The following XPO4 variants were observed in gnomAD, a reference collection of about 807,000 sequenced individuals.
XPO4 encodes exportin 4.
Under a neutral mutation model 143.0 loss-of-function variants are expected in XPO4, and 39 were observed. That is an observed-to-expected ratio of 0.27 (90% CI 0.21 to 0.36). The LOEUF (loss-of-function observed/expected upper bound fraction) is 0.36. XPO4 is among the 10% of genes least tolerant of loss of function. XPO4 has a pLI of 1.00. For missense variants in XPO4, 907 were observed against 1,348.0 expected (o/e 0.67, Z 5.12); for synonymous variants, 439 against 474.0 (o/e 0.93, Z 0.96).
Position 20,790,497 on chromosome 13 carries a change from G to A in XPO4, c.2881C>T (p.Leu961=). 6.2e-7 allele frequency: 1 copy of A among 1,614,092 alleles called. No homozygotes were observed. The highest frequency in any genetic ancestry group is 8.5e-7 in the Non-Finnish European group (1 of 1,179,992). Residue 961 remains leucine (L), a synonymous_variant, in exon 19 of 23, where the codon CTA becomes TTA. Coordinates refer to ENST00000255305, the MANE Select transcript of XPO4 (RefSeq NM_022459.5). ...AADVVLYGVN[L]ILPLMSQDLL... is the part of the protein sequence containing the mutation. ...TCCTGTGACATCAAGGGCAGAATTA[G>A]GTTTACTCCATACAACACAACATCC...
At chr13:20,862,995 T>G (rs1461942921) in intron 2 of XPO4, 137 bp from the exon 3 acceptor site, 6 of 1,464,030 alleles carry the variant, frequency 4.1e-6, no homozygotes, top group African/African-American at 1.4e-5. Context: ...CCAGTGACCT[T>G]GCTCTAGCAC....
rs1398742942 is a variant in XPO4, at chr13:20,800,148, G to A, written c.2147+8C>T. ...ACACACACAGTCAGCCTCCAACAAT[G>A]GGCTAACCTTTCTCTTCTTTCCACC... On this transcript the variant is annotated splice_region_variant and intron_variant, in intron 15 of 22. Transcript: ENST00000255305. 6.2e-7 allele frequency: 1 copy of A among 1,613,806 alleles called. No homozygotes were observed. The highest frequency in any genetic ancestry group is 8.5e-7 in the Non-Finnish European group (1 of 1,179,858).
intron 1 of XPO4, among the ~76,000 whole-genome samples, chr13:20,901,451 T>C (rs747071829): frequency 2.6e-5 from 4 of 152,188 alleles, no homozygotes; most frequent in African/African-American, 9.7e-5. Flanking sequence ...AAACGCTCTA[T>C]GTCAGGGATT....
intron 13 of XPO4, among the ~76,000 whole-genome samples, chr13:20,802,765 A>G (rs931634789): frequency 2.0e-5 from 3 of 152,202 alleles, no homozygotes; most frequent in African/African-American, 7.2e-5. Context: ...ACTCTGATAC[A>G]AATGTCTATA....
intron 1 of XPO4, among the ~76,000 whole-genome samples, chr13:20,897,153 C>T (rs2138190789): frequency 6.6e-6 from 1 of 152,190 alleles, no homozygotes; most frequent in South Asian, 2.1e-4. Context: ...AACAAAAATG[C>T]ATACTTACTA....
rs1451772526 is a variant in XPO4 at position 20,850,751 on chromosome 13, C to T, written c.456+4876G>A. 7 of 966,622 alleles carry T rather than the reference C, an allele frequency of 7.2e-6. No individual in the cohort carries two copies. The East Asian group carries it at 3.4e-4, about 48-fold the overall frequency. 59.9% of individuals were successfully genotyped at this position (966,622 alleles called of 1,614,324 possible). A position where few individuals can be genotyped will look rare whatever the true frequency, so the allele number is the denominator to read the frequency against. On this transcript the variant is annotated intron_variant, in intron 4 of 22. Transcript: ENST00000255305. ...CTGCACTTCAGCCCAGGCGATAGAGCGAGGCCCTGTTTCTAAAACAACAAA... is the reference window on the plus strand; with the variant it reads ...CTGCACTTCAGCCCAGGCGATAGAGTGAGGCCCTGTTTCTAAAACAACAAA...
chr13:20,815,229 T>C (rs1044237252), intron 9 of XPO4, among the ~76,000 whole-genome samples: 3 of 152,176 alleles, frequency 2.0e-5, no homozygotes, highest in African/African-American at 4.8e-5. Flanking sequence ...CTCTGTATGA[T>C]ACCTTAATGA....
intron 18 of XPO4, 35 bp downstream of exon 18, chr13:20,796,041 C>T (rs890974446): frequency 4.5e-6 from 7 of 1,562,216 alleles, no homozygotes; most frequent in Non-Finnish European, 6.1e-6. Flanking sequence ...AGGAGGATAA[C>T]AACAAAGTTT....
chr13:20,807,351 G>A (rs1406955790), intron 13 of XPO4, 106 bp downstream of exon 13: 1 of 1,126,074 alleles, frequency 8.9e-7, no homozygotes, highest in Non-Finnish European at 1.3e-6. Context: ...TTTTTTTCAT[G>A]TATCAGATTT....
intron 1 of XPO4, among the ~76,000 whole-genome samples, chr13:20,888,976 A>C (rs904257704): frequency 6.6e-6 from 1 of 151,646 alleles, no homozygotes; most frequent in South Asian, 2.1e-4. Flanking sequence ...TTCCCAGTTA[A>C]TTTTTTTGTC....
chr13:20,902,439 A>T, intron 1 of XPO4: 1 of 985,410 alleles, frequency 1.0e-6, no homozygotes, highest in Non-Finnish European at 1.2e-6. Flanking sequence ...CCCACGCCCG[A>T]CTGGGGTGCT....
intron 1 of XPO4, among the ~76,000 whole-genome samples, chr13:20,898,276 T>C (rs1221716159): frequency 6.6e-6 from 1 of 152,136 alleles, no homozygotes; most frequent in Non-Finnish European, 1.5e-5. Flanking sequence ...TAAAAACAAA[T>C]GTATGGGCCG....
chr13:20,827,824 A>G (rs1283269114), intron 6 of XPO4, among the ~76,000 whole-genome samples: 4 of 152,218 alleles, frequency 2.6e-5, no homozygotes, highest in African/African-American at 9.6e-5. Context: ...CAGGCATTCA[A>G]TTTCAAACAT....
intron 5 of XPO4, among the ~76,000 whole-genome samples, chr13:20,843,510 C>A (rs982288810): frequency 5.9e-5 from 9 of 151,276 alleles, no homozygotes; most frequent in African/African-American, 1.2e-4. Context: ...TATATCTAAA[C>A]ACAATAAGAA....
rs905963387 is a variant in XPO4 at position 20,821,710 on chromosome 13, T to G, written c.1167A>C (p.Glu389Asp). ...CTTTAGAATAGTCACTCACCACTTC[T>G]TCCAATGCAGCACTTCGCCCAAAAG... is the stretch of plus-strand genomic sequence containing the variant. ...TCSFGRSAAL[E>D]EVLDKDDMVY... Residue 389 changes from glutamate to aspartate, a missense_variant, in exon 9 of 23, where the codon GAA (glutamate) becomes GAC (aspartate). Transcript: ENST00000255305. 3.1e-6 allele frequency: 5 copies of G among 1,612,640 alleles called. No individual in the cohort carries two copies. Among genetic ancestry groups the G allele is most frequent in the Admixed American group, 1.7e-5 (1 of 59,856 alleles).
intron 1 of XPO4, among the ~76,000 whole-genome samples, chr13:20,892,872 C>T (rs1435335679): frequency 1.4e-5 from 2 of 145,488 alleles, no homozygotes; most frequent in African/African-American, 5.0e-5. Flanking sequence ...TTTAGAGTAA[C>T]TCCAAAAAGT....
At chr13:20,843,549 A>C (rs2059999116) in intron 5 of XPO4, among the ~76,000 whole-genome samples, 1 of 152,230 alleles carries the variant, frequency 6.6e-6, no homozygotes, top group Non-Finnish European at 1.5e-5. Flanking sequence ...ATCTTTATAG[A>C]AGTATTGTTT....
rs2060265067 is a variant in XPO4 at position 20,868,633 on chromosome 13, T to C, written c.138A>G (p.Lys46=). ...HAEHIFLSFR[K]SKSPFAVCKH... is the part of the protein sequence containing the mutation. ...TGCAAACTGCAAATGGTGATTTTGA[T>C]TTCCTAAATGATAAGAATATGTGCT... is the stretch of plus-strand genomic sequence containing the variant. The change falls in exon 2 of 23, where the codon AAA becomes AAG. Residue 46 remains lysine, a synonymous_variant. Transcript: ENST00000255305. 1.9e-6 allele frequency: 3 copies of C among 1,613,000 alleles called. No homozygotes were observed. The highest frequency in any genetic ancestry group is 2.7e-5 in the African/African-American group (2 of 74,904).
chr13:20,901,131 C>A (rs2060616866), intron 1 of XPO4, among the ~76,000 whole-genome samples: 1 of 152,154 alleles, frequency 6.6e-6, no homozygotes, highest in Admixed American at 6.5e-5. Context: ...CCTTGTAAAG[C>A]AAAGCTGTTG....
Sources: gnomAD v4.1 joint callset for allele counts (sites outside exome capture counted in the v4.1 genomes callset) on GRCh38, gnomAD v4.1.1 for gene constraint, MANE v1.5 for transcripts, NCBI Gene and HGNC (gene_info 2026-07-23, HGNC 2026-07-21) for gene names.